Variants in TIAM2 observed in about 807,000 individuals in gnomAD.
The protein encoded by TIAM2 is TIAM Rac1 associated GEF 2.
Under a neutral mutation model 152.9 loss-of-function variants are expected in TIAM2, and 80 were observed. The ratio of observed to expected loss-of-function variants is 0.52; its 90% CI spans 0.44 to 0.63. The LOEUF (loss-of-function observed/expected upper bound fraction) is 0.63. Ranked by LOEUF, TIAM2 falls within the 30% of genes least tolerant of loss-of-function variation. TIAM2 has a pLI of 0.00. For missense variants in TIAM2, 1,965 were observed against 2,120.1 expected, an observed-to-expected ratio of 0.93 and a Z score of 1.44; for synonymous variants, 804 against 838.0, an observed-to-expected ratio of 0.96 and a Z score of 0.70.
chr6:155,182,307 C>A lies in TIAM2; in HGVS notation c.2789C>A (p.Ala930Glu), dbSNP rs749973620. 1 of 1,613,944 alleles carries A rather than the reference C, an allele frequency of 6.2e-7. No individual in the cohort carries two copies. The change falls in exon 13 of 27, where the codon GCG (alanine) becomes GAG (glutamate). Residue 930 changes from alanine to glutamate, a missense_variant. Ala to Glu is a moderately radical substitution (Grantham distance 107). Around this residue, in one of 3 missense-constraint regions of TIAM2, gnomAD observed 935 missense variants for 980.0 expected, o/e 0.95. Transcript: ENST00000682666. The stretch of plus-strand genomic sequence containing the variant: ...AGCGACGTTCTTCCCGATGGCCTGG[C>A]GTATGGGGAAGGTCCGTGTGGCACA... ...FISDVLPDGL[A>E]YGEGLRKGNE...
At chr6:155,054,075 A>G (rs1777384194) in intron 1 of TIAM2, among the ~76,000 whole-genome samples, 1 of 152,194 alleles carries the variant, frequency 6.6e-6, no homozygotes, top group Non-Finnish European at 1.5e-5. Context: ...TGGGAGGCTG[A>G]GGCCGGAGAC....
intron 9 of TIAM2, among the ~76,000 whole-genome samples, chr6:155,172,657 T>A (rs1780619324): frequency 9.4e-5 from 1 of 10,604 alleles, no homozygotes; most frequent in Non-Finnish European, 2.9e-4. Context: ...TATATATATA[T>A]ATATATATAT....
Position 155,130,238 on chromosome 6 carries a change from A to C in TIAM2, c.1015A>C (p.Ile339Leu). The C allele has an allele frequency of 6.2e-7, 1 of 1,614,104 alleles. No individual in the cohort carries two copies. Among genetic ancestry groups the C allele is most frequent in the Non-Finnish European group, 8.5e-7 (1 of 1,180,012 alleles). Residue 339 changes from isoleucine to leucine, a missense_variant, in exon 4 of 27, where the codon ATT becomes CTT. Ile to Leu is a conservative substitution (Grantham distance 5). Transcript: ENST00000682666. ...CAACCGTGTCTCTTTTGCTTCCGAC[A>C]TTGATGTGCCCTCCAGAGTGGCACA... ...LSNRVSFASD[I>L]DVPSRVAHGD...
intron 1 of TIAM2, among the ~76,000 whole-genome samples, chr6:155,067,618 T>C (rs1378061129): frequency 3.6e-5 from 5 of 140,058 alleles, no homozygotes; most frequent in Admixed American, 2.8e-4. Context: ...CCTAGTTAGA[T>C]GAGGGTTAGG....
Position 155,166,140 on chromosome 6 carries a change from CG to C in TIAM2, c.2361+732del, listed in dbSNP as rs201418515. 9.8e-3 allele frequency among the ~76,000 whole-genome samples: 1,490 copies of C among 152,096 alleles called. 81 individuals are homozygous for C. The highest frequency in any genetic ancestry group is 0.091 in the Admixed American group (1,384 of 15,260). ...GGGTTTTGTCATCCCATTTTAGAGA[CG>C]AGCAGACTGACACTTGAAGAGGTTA... is the stretch of plus-strand genomic sequence containing the variant. On this transcript the variant is annotated intron_variant, in intron 9 of 26. Coordinates refer to ENST00000682666, the MANE Select transcript of TIAM2 (RefSeq NM_012454.4).
chr6:155,060,319 C>T (rs1203965511), intron 1 of TIAM2, among the ~76,000 whole-genome samples: 3 of 151,832 alleles, frequency 2.0e-5, no homozygotes, highest in African/African-American at 7.3e-5. Context: ...GGAGAATTGC[C>T]TGAATCTGGG....
chr6:155,171,926 T>C (rs1780595063), intron 9 of TIAM2, among the ~76,000 whole-genome samples: 1 of 152,146 alleles, frequency 6.6e-6, no homozygotes, highest in Non-Finnish European at 1.5e-5. Context: ...CTGTGGTGGT[T>C]TGGGCCCATT....
chr6:155,250,187 T>TTGTC (rs1783565002), intron 21 of TIAM2, among the ~76,000 whole-genome samples: 1 of 152,158 alleles, frequency 6.6e-6, no homozygotes, highest in East Asian at 1.9e-4. Flanking sequence ...CACGTTCACA[T>TTGTC]TGTCTGGAAC....
In TIAM2 at chr6:155,248,400, G is replaced by T. The variant is rs74699300; in HGVS notation, c.3832+221G>T. Among the ~76,000 whole-genome samples the T allele has an allele frequency of 1.4e-3, 211 of 152,360 alleles. 6 individuals are homozygous for T. The East Asian group carries it at 0.026, about 19-fold the overall frequency. On this transcript the variant is annotated intron_variant, in intron 20 of 26. Coordinates refer to ENST00000682666, the MANE Select transcript of TIAM2 (RefSeq NM_012454.4). Reference sequence around the variant, plus strand: ...GCTTACAAAATACTTGGGTAGAAATGATCTCATCCGGGTAGCGCCATACTC... The same window carrying T: ...GCTTACAAAATACTTGGGTAGAAATTATCTCATCCGGGTAGCGCCATACTC...
rs1419527216 is a variant in TIAM2 at position 155,235,682 on chromosome 6, G to A, written c.3169-4848G>A. 2.0e-5 allele frequency among the ~76,000 whole-genome samples: 3 copies of A among 152,198 alleles called. No individual in the cohort carries two copies. The East Asian group carries it at 5.8e-4, about 29-fold the overall frequency. ...AACTCCCTTAGACAACAGCTAAAAT[G>A]TTAAGTGTACAAAAGGTGGCTTTCT... On this transcript the variant is annotated intron_variant, in intron 15 of 26. Transcript: ENST00000682666.
At chr6:155,212,196 C>T (rs1781738919) in intron 15 of TIAM2, among the ~76,000 whole-genome samples, 1 of 152,128 alleles carries the variant, frequency 6.6e-6, no homozygotes, top group Admixed American at 6.5e-5. Flanking sequence ...TGCGTGAATC[C>T]TTGTTTTCAG....
At chr6:155,172,661 TA>T (rs1562341025) in intron 9 of TIAM2, among the ~76,000 whole-genome samples, 15 of 8,292 alleles carry the variant, frequency 1.8e-3, no homozygotes, top group African/African-American at 3.5e-3. Flanking sequence ...TATATATATA[TA>T]TATATATATA....
intron 1 of TIAM2, among the ~76,000 whole-genome samples, chr6:155,006,682 CAAA>C (rs577214442): frequency 8.0e-5 from 7 of 87,190 alleles, no homozygotes; most frequent in East Asian, 3.3e-4. Context: ...CTCCCCCCAC[CAAA>C]AAAAAAAAAA....
chr6:155,071,326 A>T (rs538171402), intron 1 of TIAM2, among the ~76,000 whole-genome samples: 1 of 152,330 alleles, frequency 6.6e-6, no homozygotes, highest in Non-Finnish European at 1.5e-5. Flanking sequence ...ATGACTTGGG[A>T]TTTCTGGATA....
intron 9 of TIAM2, among the ~76,000 whole-genome samples, chr6:155,175,832 T>G (rs543030575): frequency 5.8e-4 from 88 of 152,306 alleles, no homozygotes; most frequent in African/African-American, 1.6e-3. Context: ...ACACTACACT[T>G]TTTTGGGAAA....
At chr6:155,047,386 G>T (rs1346258833) in intron 1 of TIAM2, among the ~76,000 whole-genome samples, 1 of 152,032 alleles carries the variant, frequency 6.6e-6, no homozygotes, top group Non-Finnish European at 1.5e-5. Context: ...TGCCATGTTG[G>T]TCAGGCTGGT....
At chr6:155,057,650 A>T in intron 1 of TIAM2, among the ~76,000 whole-genome samples, 1 of 141,506 alleles carries the variant, frequency 7.1e-6, no homozygotes, top group East Asian at 2.1e-4. Context: ...GGTTCAAGTG[A>T]TTCTTCTGCC....
intron 14 of TIAM2, among the ~76,000 whole-genome samples, chr6:155,194,319 C>T (rs549826173): frequency 2.0e-5 from 3 of 152,274 alleles, no homozygotes; most frequent in South Asian, 4.1e-4. Context: ...AAAGGGTCCA[C>T]GGAGCTGCGA....
chr6:155,196,303 T>A (rs533612032), intron 14 of TIAM2, among the ~76,000 whole-genome samples: 30 of 152,190 alleles, frequency 2.0e-4, no homozygotes, highest in Non-Finnish European at 4.0e-4. Flanking sequence ...TGGGGAACGA[T>A]GAGGAATTGG....
Sources: gnomAD v4.1 joint callset for allele counts (sites outside exome capture counted in the v4.1 genomes callset) on GRCh38, gnomAD v4.1.1 for gene constraint, gnomAD v4.1.1 regional missense constraint, MANE v1.5 for transcripts, NCBI Gene and HGNC (gene_info 2026-07-23, HGNC 2026-07-21) for gene names.